POFUT1: variants seen among roughly 807,000 people sequenced by gnomAD.
POFUT1 encodes protein O-fucosyltransferase 1.
Under a neutral mutation model 42.4 loss-of-function variants are expected in POFUT1, and 16 were observed. The ratio of observed to expected loss-of-function variants is 0.38; its 90% CI spans 0.26 to 0.57. The LOEUF is 0.57. Among genes scored for constraint, POFUT1 ranks in the 20% least tolerant of loss-of-function variants. The probability of loss-of-function intolerance (pLI) is 0.71; values close to 1 mark genes in which losing one functional copy is unlikely to be tolerated. For missense variants in POFUT1, 470 were observed against 504.6 expected, an observed-to-expected ratio of 0.93 and a Z score of 0.66; for synonymous variants, 206 against 205.4, an observed-to-expected ratio of 1.00 and a Z score of -0.03.
intron 4 of POFUT1, among the ~76,000 whole-genome samples, chr20:32,227,338 G>A (rs1482915430): frequency 1.3e-5 from 2 of 152,060 alleles, no homozygotes; most frequent in Non-Finnish European, 2.9e-5. Flanking sequence ...GCAACATGGC[G>A]AAACCCCGTC....
chr20:32,224,349 G>A (rs150555589), intron 4 of POFUT1, among the ~76,000 whole-genome samples: 170 of 152,066 alleles, frequency 1.1e-3, no homozygotes, highest in African/African-American at 3.9e-3. Flanking sequence ...CCAAGATCAC[G>A]CCGCTGCACT....
chr20:32,214,164 G>T (rs551803218), intron 2 of POFUT1, among the ~76,000 whole-genome samples: 1 of 151,910 alleles, frequency 6.6e-6, no homozygotes, highest in African/African-American at 2.4e-5. Context: ...TCACTCTGTG[G>T]CCCAGGCTAG....
intron 2 of POFUT1, among the ~76,000 whole-genome samples, chr20:32,210,565 C>T (rs188377467): frequency 6.6e-6 from 1 of 152,306 alleles, no homozygotes; most frequent in Admixed American, 6.5e-5. Flanking sequence ...CCTGATTGGT[C>T]CTACCCTCTG....
At chr20:32,227,584 C>T (rs2047421135) in intron 4 of POFUT1, among the ~76,000 whole-genome samples, 1 of 152,166 alleles carries the variant, frequency 6.6e-6, no homozygotes, top group South Asian at 2.1e-4. Flanking sequence ...GTGCCAGACA[C>T]TATTCTGCGC....
rs538227825 is a variant in POFUT1 at position 32,235,700 on chromosome 20, G to A, written c.*1039G>A. ...AATGTAATCTCTGCCAACACCATGA[G>A]GCTTAAGGTGCTCTAAGTCATGAGT... On this transcript the variant is annotated 3_prime_UTR_variant, in exon 7 of 7. Coordinates refer to ENST00000375749, the MANE Select transcript of POFUT1 (RefSeq NM_015352.2). 1 of 152,362 alleles carries A rather than the reference G, an allele frequency of 6.6e-6. No individual in the cohort carries two copies. The highest frequency in any genetic ancestry group is 2.1e-4 in the South Asian group (1 of 4,830). The allele number at this position is 152,362 out of a possible 1,614,324, so 9.4% of individuals were successfully genotyped here. A position where few individuals can be genotyped will look rare whatever the true frequency, so the allele number is the denominator to read the frequency against.
At chr20:32,226,111 T>C (rs1312573985) in intron 4 of POFUT1, among the ~76,000 whole-genome samples, 1 of 65,186 alleles carries the variant, frequency 1.5e-5, no homozygotes, top group Non-Finnish European at 2.7e-5. Context: ...TTTTTTGTTT[T>C]GTTTGTTTTG....
intron 6 of POFUT1, among the ~76,000 whole-genome samples, chr20:32,232,109 C>T (rs6087840): frequency 0.034 from 5,218 of 152,242 alleles, 121 homozygotes; most frequent in Non-Finnish European, 0.053. Context: ...TCACCCCAGA[C>T]ACAGGAAGCT....
intron 2 of POFUT1, 37 bp from the exon 3 acceptor site, chr20:32,215,232 C>T: frequency 6.5e-7 from 1 of 1,546,038 alleles, no homozygotes. Context: ...GCCACGGGGG[C>T]ACTGAGACGG....
chr20:32,213,789 A>G (rs2047343833), intron 2 of POFUT1, among the ~76,000 whole-genome samples: 1 of 152,144 alleles, frequency 6.6e-6, no homozygotes. Context: ...AGAAAATTAC[A>G]CAGATGAATA....
intron 5 of POFUT1, among the ~76,000 whole-genome samples, chr20:32,229,602 C>T (rs1313347319): frequency 6.6e-6 from 1 of 152,140 alleles, no homozygotes; most frequent in Non-Finnish European, 1.5e-5. Context: ...AGTGTTCCCA[C>T]TGTAGTTGGG....
At chr20:32,232,082 G>A (rs983328927) in intron 6 of POFUT1, among the ~76,000 whole-genome samples, 1 of 152,170 alleles carries the variant, frequency 6.6e-6, no homozygotes, top group Non-Finnish European at 1.5e-5. Flanking sequence ...TTTATATCAA[G>A]GGCCTCCCCT....
At chr20:32,222,488 C>G (rs916943895) in intron 4 of POFUT1, 9 of 547,376 alleles carry the variant, frequency 1.6e-5, no homozygotes, top group African/African-American at 1.4e-4. Context: ...CCATTATAAC[C>G]CTTTTGCTTA....
chr20:32,227,691 T>C (rs944946448), intron 4 of POFUT1, among the ~76,000 whole-genome samples: 1 of 152,180 alleles, frequency 6.6e-6, no homozygotes, highest in Non-Finnish European at 1.5e-5. Context: ...GAGGGCATGA[T>C]AGGGGCACCT....
At chr20:32,221,195 G>A (rs2047389438) in intron 4 of POFUT1, among the ~76,000 whole-genome samples, 1 of 152,162 alleles carries the variant, frequency 6.6e-6, no homozygotes. Context: ...GAATTTGAAT[G>A]TGTATGAACA....
intron 4 of POFUT1, chr20:32,217,431 G>A: frequency 3.0e-6 from 3 of 1,012,646 alleles, no homozygotes; most frequent in Non-Finnish European, 1.2e-6. Flanking sequence ...TGCGGTCAAA[G>A]CACTTGGCAT....
chr20:32,217,956 A>G (rs996553226), intron 4 of POFUT1: 2 of 154,730 alleles, frequency 1.3e-5, no homozygotes, highest in Non-Finnish European at 2.8e-5. Context: ...ACACTGTTCT[A>G]AGTCTTCACA....
rs2047461182 is a variant in POFUT1 at position 32,234,744 on chromosome 20, G to A, written c.*83G>A. On this transcript the variant is annotated 3_prime_UTR_variant, in exon 7 of 7. Coordinates refer to ENST00000375749, the MANE Select transcript of POFUT1 (RefSeq NM_015352.2). ...TTCCAGCCAGGCCTGGCAGCCAGAG[G>A]TGCTCCGGGATTGCAAACTCCTCTT... 53 of 1,296,054 alleles carry A rather than the reference G, an allele frequency of 4.1e-5. 1 individual carries two copies. The South Asian group carries it at 7.3e-4, about 18-fold the overall frequency. The allele number at this position is 1,296,054 out of a possible 1,614,324, so 80.3% of individuals were successfully genotyped here. A position where few individuals can be genotyped will look rare whatever the true frequency, so the allele number is the denominator to read the frequency against.
chr20:32,233,116 G>A (rs1034658545), intron 6 of POFUT1, among the ~76,000 whole-genome samples: 2 of 152,222 alleles, frequency 1.3e-5, no homozygotes, highest in Admixed American at 6.5e-5. Flanking sequence ...GCCAGCAGTG[G>A]AGAGCAAACC....
chr20:32,214,460 G>A (rs890527443), intron 2 of POFUT1, among the ~76,000 whole-genome samples: 2 of 152,132 alleles, frequency 1.3e-5, no homozygotes, highest in African/African-American at 4.8e-5. Flanking sequence ...GATACTCACC[G>A]ATTGGATCCC....
Sources: gnomAD v4.1 joint callset for allele counts (sites outside exome capture counted in the v4.1 genomes callset) on GRCh38, gnomAD v4.1.1 for gene constraint, MANE v1.5 for transcripts, NCBI Gene and HGNC (gene_info 2026-07-23, HGNC 2026-07-21) for gene names.